The following FGF14 variants were observed in gnomAD, a reference collection of about 807,000 sequenced individuals.
FGF14 encodes the protein fibroblast growth factor homologous factor 4.
In FGF14, 5 loss-of-function variants were observed where a neutral mutation model predicts 25.5. The ratio of observed to expected loss-of-function variants is 0.20; its 90% CI spans 0.10 to 0.41. The LOEUF (loss-of-function observed/expected upper bound fraction) is 0.41, where lower values mean the gene tolerates loss of function less well. Ranked by LOEUF, FGF14 falls within the 10% of genes least tolerant of loss-of-function variation. The pLI is 1.00. For synonymous variants in FGF14, 138 were observed against 118.3 expected (o/e 1.17, Z -1.08); for missense variants, 222 against 320.1 (o/e 0.69, Z 2.34).
Position 102,036,073 on chromosome 13 carries a change from T to C in FGF14, c.209-160777A>G, listed in dbSNP as rs554446320. On this transcript the variant is annotated intron_variant, in intron 1 of 4. Coordinates refer to the FGF14 transcript ENST00000376131. ...GAGAGGGGATGTGGGAGTGGGGAAATAGAGAGAGAAAAACATTATCCCAGG... is the reference window on the plus strand; with the variant it reads ...GAGAGGGGATGTGGGAGTGGGGAAACAGAGAGAGAAAAACATTATCCCAGG... 1.7e-3 allele frequency among the ~76,000 whole-genome samples: 256 copies of C among 152,032 alleles called. 1 individual carries two copies. Among genetic ancestry groups the C allele is most frequent in the African/African-American group, 5.6e-3 (231 of 41,508 alleles).
chr13:102,359,816 G>C (rs532383311), intron 1 of FGF14, among the ~76,000 whole-genome samples: 2 of 151,018 alleles, frequency 1.3e-5, no homozygotes, highest in Non-Finnish European at 2.9e-5. Context: ...CTACTATGGT[G>C]GTTTAGAAGA....
chr13:101,803,434 CTT>C (rs1353546793), intron 3 of FGF14, among the ~76,000 whole-genome samples: 1 of 152,114 alleles, frequency 6.6e-6, no homozygotes, highest in Non-Finnish European at 1.5e-5. Context: ...CCAGCTGAAA[CTT>C]TGGTCTTAAA....
intron 1 of FGF14, among the ~76,000 whole-genome samples, chr13:102,131,068 GAAATT>G (rs1443519143): frequency 1.3e-5 from 2 of 152,064 alleles, no homozygotes; most frequent in Non-Finnish European, 2.9e-5. Context: ...AAAACTAATT[GAAATT>G]AAAAGCAAAA....
chr13:101,864,462 G>A (rs2044587821), intron 3 of FGF14, among the ~76,000 whole-genome samples: 1 of 152,120 alleles, frequency 6.6e-6, no homozygotes, highest in South Asian at 2.1e-4. Context: ...ACCGGCAGAA[G>A]TGAGGGAGGG....
At chr13:101,737,756 C>T (rs1319159700) in intron 3 of FGF14, among the ~76,000 whole-genome samples, 3 of 152,034 alleles carry the variant, frequency 2.0e-5, no homozygotes, top group East Asian at 3.9e-4. Flanking sequence ...TCTCCTTAGG[C>T]CTATGTGTAC....
At chr13:101,943,841 A>G (rs1323161152) in intron 1 of FGF14, among the ~76,000 whole-genome samples, 1 of 147,672 alleles carries the variant, frequency 6.8e-6, no homozygotes, top group Non-Finnish European at 1.5e-5. Flanking sequence ...ATATATATAT[A>G]TATTCACAAA....
chr13:101,939,045 C>G (rs562987609), intron 1 of FGF14, among the ~76,000 whole-genome samples: 2 of 152,144 alleles, frequency 1.3e-5, no homozygotes, highest in African/African-American at 4.8e-5. Flanking sequence ...CAAGTATTAA[C>G]CAGCTCAAAA....
At chr13:102,183,549 A>T (rs1485793084) in intron 1 of FGF14, among the ~76,000 whole-genome samples, 1 of 152,176 alleles carries the variant, frequency 6.6e-6, no homozygotes, top group East Asian at 1.9e-4. Context: ...TCAAGTGTCT[A>T]CCATACGCTG....
chr13:101,918,320 C>G (rs2033731041), upstream of FGF14, among the ~76,000 whole-genome samples: 1 of 152,198 alleles, frequency 6.6e-6, no homozygotes. Flanking sequence ...CTCCGGGCTT[C>G]TTACTTTTCT....
chr13:102,075,950 A>G (rs2043344261), intron 1 of FGF14, among the ~76,000 whole-genome samples: 1 of 152,220 alleles, frequency 6.6e-6, no homozygotes. Context: ...TATAAGGAAA[A>G]ATATTTTTAT....
intron 3 of FGF14, among the ~76,000 whole-genome samples, chr13:101,769,060 A>C (rs1194400240): frequency 6.6e-6 from 1 of 152,106 alleles, no homozygotes; most frequent in Non-Finnish European, 1.5e-5. Flanking sequence ...TTTTTTTGCA[A>C]TAGAAATATC....
At chr13:101,925,451 C>A (rs1157359055) in intron 1 of FGF14, among the ~76,000 whole-genome samples, 1 of 152,166 alleles carries the variant, frequency 6.6e-6, no homozygotes, top group East Asian at 1.9e-4. Flanking sequence ...TCTCTGGGGA[C>A]AACTGGTACT....
chr13:101,831,262 ATTTATTT>A lies in FGF14; in HGVS notation c.408+37456_408+37462del, dbSNP rs2042656678. Among the ~76,000 whole-genome samples, 3 of 151,336 alleles carry A rather than the reference ATTTATTT, an allele frequency of 2.0e-5. No individual in the cohort carries two copies. The South Asian group carries it at 6.3e-4, about 32-fold the overall frequency. ...TTACTATTTATTTATTTATTTATTT[ATTTATTT>A]ATTTATTTATTTACGTTGGCCAGGC... On this transcript the variant is annotated intron_variant, in intron 3 of 4. Transcript: ENST00000376143.
chr13:101,853,430 G>A (rs2043959579), intron 3 of FGF14, among the ~76,000 whole-genome samples: 1 of 151,970 alleles, frequency 6.6e-6, no homozygotes, highest in East Asian at 1.9e-4. Context: ...AAATACTTCA[G>A]TGTATTATTT....
chr13:101,976,477 A>T (rs185534928), intron 1 of FGF14, among the ~76,000 whole-genome samples: 2 of 152,268 alleles, frequency 1.3e-5, no homozygotes, highest in African/African-American at 4.8e-5. Flanking sequence ...TTTGAAAAAA[A>T]ATCAACTTTT....
At chr13:102,001,894 G>A (rs947106525) in intron 1 of FGF14, among the ~76,000 whole-genome samples, 10 of 152,292 alleles carry the variant, frequency 6.6e-5, no homozygotes, top group African/African-American at 2.2e-4. Context: ...TCATTTAGGT[G>A]GCAGGTGGGA....
chr13:102,082,250 A>AC (rs893656222), intron 1 of FGF14, among the ~76,000 whole-genome samples: 1 of 152,056 alleles, frequency 6.6e-6, no homozygotes, highest in African/African-American at 2.4e-5. Context: ...AAAAAAAAAA[A>AC]AACAGTGTAC....
intron 3 of FGF14, among the ~76,000 whole-genome samples, chr13:101,827,184 T>G (rs1201997188): frequency 6.6e-6 from 1 of 152,008 alleles, no homozygotes; most frequent in Non-Finnish European, 1.5e-5. Context: ...AGACAGTAGA[T>G]GTCATAATTT....
At chr13:102,122,638 T>C (rs893382119) in intron 1 of FGF14, among the ~76,000 whole-genome samples, 1 of 152,218 alleles carries the variant, frequency 6.6e-6, no homozygotes, top group African/African-American at 2.4e-5. Context: ...ATAAGCATTT[T>C]GATTTTAATA....
Sources: gnomAD v4.1 joint callset for allele counts (sites outside exome capture counted in the v4.1 genomes callset) on GRCh38, gnomAD v4.1.1 for gene constraint, MANE v1.5 for transcripts, NCBI Gene and HGNC (gene_info 2026-07-23, HGNC 2026-07-21) for gene names.